CDH26: variants seen among roughly 807,000 people sequenced by gnomAD.
The protein encoded by CDH26 is cadherin-like protein 26.
Under a neutral mutation model 90.3 loss-of-function variants are expected in CDH26, and 83 were observed. The observed-to-expected ratio is 0.92, with a 90% CI of 0.77 to 1.10. The LOEUF is 1.10. CDH26 is among the 50% of genes least tolerant of loss of function. CDH26 has a pLI of 0.00. For missense variants in CDH26, 1,013 were observed against 1,037.6 expected, an observed-to-expected ratio of 0.98 and a Z score of 0.33; for synonymous variants, 397 against 396.3, an observed-to-expected ratio of 1.00 and a Z score of -0.02.
At position 59,996,755 on chromosome 20, in the gene CDH26, A is replaced by C; in HGVS notation, c.2013A>C (p.Ser671=). The C allele has an allele frequency of 6.2e-7, 1 of 1,614,264 alleles. No individual in the cohort carries two copies. Among genetic ancestry groups the C allele is most frequent in the Non-Finnish European group, 8.5e-7 (1 of 1,180,054 alleles). The part of the protein sequence containing the change: ...VMYNAESKGT[S]AQTWSDVEGQ... Reference sequence around the variant, plus strand: ...ATAATGCGGAGAGCAAAGGCACTTCAGCCCAGGTAGTGGAATGTCATGCTT... The same window carrying C: ...ATAATGCGGAGAGCAAAGGCACTTCCGCCCAGGTAGTGGAATGTCATGCTT... The change falls in exon 13 of 18, where the codon TCA becomes TCC. Residue 671 remains serine (S), a synonymous_variant. Transcript: ENST00000348616.
intron 14 of CDH26, 103 bp downstream of exon 14, chr20:59,999,766 G>C (rs2061650991): frequency 9.4e-7 from 1 of 1,068,862 alleles, no homozygotes; most frequent in Non-Finnish European, 1.4e-6. Flanking sequence ...CCACATCCAG[G>C]GAGGTTCTTC....
At chr20:60,025,181 G>A (rs575755336) in intron 7 of CDH26, among the ~76,000 whole-genome samples, 13 of 152,288 alleles carry the variant, frequency 8.5e-5, no homozygotes, top group South Asian at 4.1e-4. Flanking sequence ...ATTCATCGTC[G>A]AACTTAATAC....
chr20:60,008,736 G>A (rs533815995), intron 17 of CDH26, among the ~76,000 whole-genome samples: 181 of 152,330 alleles, frequency 1.2e-3, no homozygotes, highest in African/African-American at 4.2e-3. Context: ...ACAGTCCCCA[G>A]GTGGGAGCTC....
chr20:59,999,806 C>A, intron 14 of CDH26, 143 bp downstream of exon 14: 1 of 673,544 alleles, frequency 1.5e-6, no homozygotes, highest in Non-Finnish European at 2.6e-6. Context: ...CCCCTACTTG[C>A]AAAGCCCCAT....
rs2061885805 is a variant in CDH26 at position 60,014,290 on chromosome 20, T to C, written c.*1560T>C. The C allele has an allele frequency of 6.6e-6, 1 of 152,208 alleles. No individual in the cohort carries two copies. The highest frequency in any genetic ancestry group is 2.1e-4 in the South Asian group (1 of 4,832). The allele number at this position is 152,208 out of a possible 1,614,324, so 9.4% of individuals were successfully genotyped here. On this transcript the variant is annotated 3_prime_UTR_variant, in exon 18 of 18. Transcript: ENST00000348616. ...CTCAAACATTTTTCATTTCTTTGTA[T>C]TGGTACGGAGCATTCAATATCCATC... is the stretch of plus-strand genomic sequence containing the variant.
At position 59,972,084 on chromosome 20, in the gene CDH26, T is replaced by A; in HGVS notation, c.354T>A (p.Val118=). ...ATCATGAGAACGGAAGGATATATGTTCACCGCCCTGTCGATCGAGAAATGA... is the reference window on the plus strand; with the variant it reads ...ATCATGAGAACGGAAGGATATATGTACACCGCCCTGTCGATCGAGAAATGA... ...LEDHENGRIY[V]HRPVDREMTP... The change falls in exon 4 of 18, where the codon GTT becomes GTA. Residue 118 remains valine (V), a synonymous_variant. Transcript: ENST00000348616. 6.2e-7 allele frequency: 1 copy of A among 1,614,044 alleles called. No homozygotes were observed. Among genetic ancestry groups the A allele is most frequent in the Non-Finnish European group, 8.5e-7 (1 of 1,179,964 alleles).
At chr20:59,988,670 T>A (rs909900219) in intron 8 of CDH26, among the ~76,000 whole-genome samples, 1 of 152,074 alleles carries the variant, frequency 6.6e-6, no homozygotes, top group East Asian at 1.9e-4. Flanking sequence ...CTCTGAAGGA[T>A]GGTGGCTCTT....
At chr20:60,033,597 T>C (rs1208422245) in exon 9 of CDH26, 1 of 1,304,654 alleles carries the variant, frequency 7.7e-7, no homozygotes, top group Admixed American at 2.3e-5. Context: ...CCATCACCCC[T>C]TAACAAAAAG....
At chr20:60,021,893 CACACAT>C (rs1299505619) in intron 7 of CDH26, among the ~76,000 whole-genome samples, 9 of 87,546 alleles carry the variant, frequency 1.0e-4, no homozygotes, top group East Asian at 2.7e-4. Flanking sequence ...CACACACACA[CACACAT>C]ATATATATAT....
At chr20:60,022,576 AG>A (rs1002056733) in intron 7 of CDH26, among the ~76,000 whole-genome samples, 1 of 152,206 alleles carries the variant, frequency 6.6e-6, no homozygotes, top group African/African-American at 2.4e-5. Flanking sequence ...TCTGTGAAGT[AG>A]GCATAGCAAC....
chr20:59,987,666 C>G, intron 8 of CDH26, 28 bp downstream of exon 8: 1 of 1,564,360 alleles, frequency 6.4e-7, no homozygotes, highest in Non-Finnish European at 8.7e-7. Context: ...ACATACCAAC[C>G]AGTTAGTGGC....
intron 16 of CDH26, 38 bp from the exon 17 acceptor site, chr20:60,006,675 C>A (rs115584185): frequency 1.3e-6 from 2 of 1,509,624 alleles, no homozygotes; most frequent in Non-Finnish European, 1.8e-6. Context: ...AGGACAAGGG[C>A]TCTGCTGTGG....
At chr20:59,960,732 A>G (rs1461312436) in intron 1 of CDH26, among the ~76,000 whole-genome samples, 1 of 152,176 alleles carries the variant, frequency 6.6e-6, no homozygotes, top group African/African-American at 2.4e-5. Flanking sequence ...GACTCTGCAC[A>G]TCGTTTACCA....
rs755376206 is a variant in CDH26 at position 59,989,096 on chromosome 20, G to A, written c.1216G>A (p.Glu406Lys). 18 of 1,614,176 alleles carry A rather than the reference G, an allele frequency of 1.1e-5. No individual in the cohort carries two copies. The highest frequency in any genetic ancestry group is 1.4e-5 in the Non-Finnish European group (17 of 1,180,026). The change falls in exon 9 of 18, where the codon GAG becomes AAG. Residue 406 changes from glutamate (E) to lysine (K), a missense_variant. By Grantham distance (56) the Glu-to-Lys change is moderately conservative. Coordinates refer to ENST00000348616, the MANE Select transcript of CDH26 (RefSeq NM_177980.4). Reference sequence around the variant, plus strand: ...CCCCCAGAGCTTCATTGTCAATAAAGAGGAGGGCGCCAGGCCTGGGACCCT... The same window carrying A: ...CCCCCAGAGCTTCATTGTCAATAAAAAGGAGGGCGCCAGGCCTGGGACCCT... The part of the protein sequence containing the change: ...FHPQSFIVNK[E>K]EGARPGTLLG...
At position 60,011,661 on chromosome 20, in the gene CDH26, A is replaced by C. The variant is rs8116214; in HGVS notation, c.2296-866A>C. ...CTTGGCCGTGCTCCAGTAGAACTTA[A>C]TTTACAACAACAGGTGGTGTGCTGG... is the stretch of plus-strand genomic sequence containing the variant. On this transcript the variant is annotated intron_variant, in intron 17 of 17. Transcript: ENST00000348616. Among the ~76,000 whole-genome samples the C allele has an allele frequency of 8.5e-3, 1,287 of 152,290 alleles. 23 individuals carry two copies. Among genetic ancestry groups the C allele is most frequent in the African/African-American group, 0.029 (1,219 of 41,570 alleles).
At chr20:60,008,955 G>T (rs762519520) in intron 17 of CDH26, among the ~76,000 whole-genome samples, 1 of 152,218 alleles carries the variant, frequency 6.6e-6, no homozygotes, top group Non-Finnish European at 1.5e-5. Flanking sequence ...GGGCTGCAGG[G>T]CCCTTCCCCA....
At chr20:59,960,747 A>C (rs1184251058) in intron 1 of CDH26, among the ~76,000 whole-genome samples, 1 of 152,212 alleles carries the variant, frequency 6.6e-6, no homozygotes, top group Non-Finnish European at 1.5e-5. Flanking sequence ...TTACCATGGC[A>C]CACATATTCC....
chr20:59,984,472 A>G (rs1030349295), intron 5 of CDH26, among the ~76,000 whole-genome samples, 167 bp from the exon 6 acceptor site: 1 of 152,224 alleles, frequency 6.6e-6, no homozygotes, highest in South Asian at 2.1e-4. Context: ...ATAACTAATT[A>G]AATATTCATC....
intron 17 of CDH26, among the ~76,000 whole-genome samples, chr20:60,009,214 CA>C (rs1386447013): frequency 1.3e-5 from 2 of 152,168 alleles, no homozygotes; most frequent in African/African-American, 4.8e-5. Flanking sequence ...AGAAATGGGG[CA>C]CAGAGTGGCC....
Sources: allele counts gnomAD v4.1 joint callset (sites outside exome capture counted in the v4.1 genomes callset), GRCh38; gene constraint gnomAD v4.1.1; transcripts MANE v1.5; gene names NCBI Gene and HGNC (gene_info 2026-07-23, HGNC 2026-07-21).